The following GSAP variants were observed in gnomAD, a reference collection of about 807,000 sequenced individuals.
GSAP encodes gamma-secretase activating protein.
GSAP carries 118 observed loss-of-function variants against 131.7 expected under a neutral mutation model. The ratio of observed to expected loss-of-function variants is 0.90; its 90% confidence interval spans 0.77 to 1.04. The LOEUF (loss-of-function observed/expected upper bound fraction) is 1.04, where lower values mean the gene tolerates loss of function less well. Ranked by LOEUF, GSAP falls within the 50% of genes least tolerant of loss-of-function variation. The probability of loss-of-function intolerance (pLI) is 0.00; values close to 1 mark genes in which losing one functional copy is unlikely to be tolerated. For synonymous variants in GSAP, 381 were observed against 363.4 expected (o/e 1.05, Z -0.55); for missense variants, 1,019 against 1,013.2 (o/e 1.01, Z -0.08).
chr7:77,364,632 C>T (rs1362699224), intron 12 of GSAP, among the ~76,000 whole-genome samples: 1 of 151,960 alleles, frequency 6.6e-6, no homozygotes, highest in Non-Finnish European at 1.5e-5. Context: ...TGTAACTAAC[C>T]TGCACATTGT....
At chr7:77,411,742 T>C (rs1402608877) in intron 1 of GSAP, among the ~76,000 whole-genome samples, 1 of 152,178 alleles carries the variant, frequency 6.6e-6, no homozygotes, top group Non-Finnish European at 1.5e-5. Flanking sequence ...ATCAACTTTT[T>C]TTGTAAAATC....
At chr7:77,352,141 A>G (rs1792974924) in intron 18 of GSAP, among the ~76,000 whole-genome samples, 2 of 152,260 alleles carry the variant, frequency 1.3e-5, no homozygotes, top group African/African-American at 4.8e-5. Context: ...ATCTTTTTTA[A>G]GGACTATATT....
chr7:77,362,625 A>T lies in GSAP; in HGVS notation c.907T>A (p.Ser303Thr). 1 of 1,586,700 alleles carries T rather than the reference A, an allele frequency of 6.3e-7. No homozygotes were observed. Among genetic ancestry groups the T allele is most frequent in the Non-Finnish European group, 8.7e-7 (1 of 1,155,566 alleles). ...LCVCYSPKCA[S>T]WGQITYSVFY... ...ACTGAATATGTGATTTGTCCCCAAG[A>T]GGCACACTTCGGGCTGTAACATACA... The change falls in exon 13 of 31, where the codon TCT becomes ACT. Residue 303 changes from serine (S) to threonine (T), a missense_variant. By Grantham distance (58) the Ser-to-Thr change is moderately conservative. Coordinates refer to ENST00000257626, the MANE Select transcript of GSAP (RefSeq NM_017439.4).
At chr7:77,374,685 T>C (rs2150994249) in intron 11 of GSAP, among the ~76,000 whole-genome samples, 1 of 151,664 alleles carries the variant, frequency 6.6e-6, no homozygotes, top group Non-Finnish European at 1.5e-5. Flanking sequence ...GAGCTACAAG[T>C]GGATTGACCT....
intron 2 of GSAP, among the ~76,000 whole-genome samples, chr7:77,405,420 T>G (rs1802093234): frequency 6.6e-6 from 1 of 152,268 alleles, no homozygotes; most frequent in Non-Finnish European, 1.5e-5. Context: ...TTTAAACATT[T>G]TTACTTGGCA....
In GSAP at chr7:77,377,329, T is replaced by C; in HGVS notation, c.638A>G (p.Gln213Arg). Residue 213 changes from glutamine to arginine, a missense_variant, in exon 9 of 31, where the codon CAG becomes CGG. Coordinates refer to ENST00000257626, the MANE Select transcript of GSAP (RefSeq NM_017439.4). Reference sequence around the variant, plus strand: ...TAATCTCTGTTCTGACATATCCCACTGAGCCCAAACGAAATCCTCAGCTAT... The same window carrying C: ...TAATCTCTGTTCTGACATATCCCACCGAGCCCAAACGAAATCCTCAGCTAT... ...DRIAEDFVWA[Q>R]WDMSEQRLYY... 6.3e-7 allele frequency: 1 copy of C among 1,583,412 alleles called. No homozygotes were observed. The highest frequency in any genetic ancestry group is 8.6e-7 in the Non-Finnish European group (1 of 1,168,230).
Position 77,339,331 on chromosome 7 carries a change from G to A in GSAP, c.1546-8964C>T, listed in dbSNP as rs377024450. 1.8e-3 allele frequency among the ~76,000 whole-genome samples: 278 copies of A among 152,294 alleles called. 7 individuals carry two copies. In the South Asian group the frequency reaches 0.049, roughly 27 times the overall value. On this transcript the variant is annotated intron_variant, in intron 19 of 30. Coordinates refer to ENST00000257626, the MANE Select transcript of GSAP (RefSeq NM_017439.4). ...TAGCAGGATCAAGTGTCCTGGGAAT[G>A]AGAATCTCCTGATTAGAGTCTCCCA...
At position 77,397,385 on chromosome 7, in the gene GSAP, C is replaced by T; in HGVS notation, c.274G>A (p.Val92Ile). Residue 92 changes from valine to isoleucine, a missense_variant, in exon 4 of 31, where the codon GTT becomes ATT. Transcript: ENST00000257626. Reference sequence around the variant, plus strand: ...TCACTGTTGACAGAGCAACTGAAAACTTGCAAGTCTTTCTCAAAGGTATAT... The same window carrying T: ...TCACTGTTGACAGAGCAACTGAAAATTTGCAAGTCTTTCTCAAAGGTATAT... ...LLYTFEKDLQVFSCSVNSERT... is the reference protein window; with the variant it reads ...LLYTFEKDLQIFSCSVNSERT... 1.2e-6 allele frequency: 2 copies of T among 1,605,146 alleles called. No homozygotes were observed. The highest frequency in any genetic ancestry group is 1.7e-6 in the Non-Finnish European group (2 of 1,173,428).
chr7:77,396,355 A>G (rs1290412372), intron 5 of GSAP, among the ~76,000 whole-genome samples: 3 of 152,158 alleles, frequency 2.0e-5, no homozygotes, highest in African/African-American at 7.2e-5. Flanking sequence ...TGCATTTGCA[A>G]TTGAAACCCC....
At chr7:77,369,902 GTTT>G (rs143719510) in intron 12 of GSAP, among the ~76,000 whole-genome samples, 1 of 151,328 alleles carries the variant, frequency 6.6e-6, no homozygotes, top group Non-Finnish European at 1.5e-5. Context: ...TTTGAAACAC[GTTT>G]TTTTATTTTT....
chr7:77,383,343 C>CAG (rs368003249), intron 6 of GSAP, among the ~76,000 whole-genome samples: 1 of 145,522 alleles, frequency 6.9e-6, no homozygotes. Context: ...CACACACACA[C>CAG]AGAGGTCGAT....
intron 19 of GSAP, among the ~76,000 whole-genome samples, chr7:77,339,037 G>A (rs1338222965): frequency 1.3e-5 from 2 of 152,224 alleles, no homozygotes; most frequent in East Asian, 1.9e-4. Flanking sequence ...AAGAAAAAAT[G>A]TGGAAGCAAG....
intron 24 of GSAP, among the ~76,000 whole-genome samples, chr7:77,322,514 GAAGT>G (rs1428905360): frequency 6.6e-6 from 1 of 151,724 alleles, no homozygotes; most frequent in Non-Finnish European, 1.5e-5. Context: ...AGCACTTTGG[GAAGT>G]AAGATTTCGA....
chr7:77,323,453 A>G (rs1388274607), intron 24 of GSAP, among the ~76,000 whole-genome samples, 194 bp downstream of exon 24: 1 of 152,216 alleles, frequency 6.6e-6, no homozygotes, highest in Non-Finnish European at 1.5e-5. Flanking sequence ...ACCACTTTCC[A>G]AACCAAATGC....
intron 26 of GSAP, among the ~76,000 whole-genome samples, chr7:77,318,342 A>AC (rs147022295): frequency 0.091 from 13,865 of 152,264 alleles, 779 homozygotes; most frequent in Non-Finnish European, 0.11. Flanking sequence ...TCTACCAGTT[A>AC]AAATTTTATG....
chr7:77,400,079 T>C lies in GSAP; in HGVS notation c.244-2664A>G, dbSNP rs1429242284. Among the ~76,000 whole-genome samples, 3 of 151,940 alleles carry C rather than the reference T, an allele frequency of 2.0e-5. No homozygotes were observed. In the East Asian group the frequency reaches 5.8e-4, roughly 29 times the overall value. ...TCCAGCCAAACACCACAAAAGAAAA[T>C]GCAACCCCACTCCCATCTCTACCAG... On this transcript the variant is annotated intron_variant, in intron 3 of 30. Transcript: ENST00000257626.
At chr7:77,324,409 C>T (rs992658767) in intron 23 of GSAP, among the ~76,000 whole-genome samples, 7 of 152,318 alleles carry the variant, frequency 4.6e-5, no homozygotes, top group East Asian at 1.9e-4. Context: ...CCCTCCTCTC[C>T]CTTTTGCCCA....
chr7:77,365,463 G>A (rs1315396605), intron 12 of GSAP, among the ~76,000 whole-genome samples: 1 of 152,062 alleles, frequency 6.6e-6, no homozygotes, highest in Non-Finnish European at 1.5e-5. Context: ...GCTCCTACCT[G>A]TAAGTGAGAA....
chr7:77,413,221 A>T (rs1237327893), intron 1 of GSAP, among the ~76,000 whole-genome samples: 3 of 152,210 alleles, frequency 2.0e-5, no homozygotes, highest in Admixed American at 6.5e-5. Context: ...CAGGCCCAAT[A>T]TCCTCAGGTG....
Sources: gnomAD v4.1 joint callset for allele counts (sites outside exome capture counted in the v4.1 genomes callset) on GRCh38, gnomAD v4.1.1 for gene constraint, MANE v1.5 for transcripts, NCBI Gene and HGNC (gene_info 2026-07-23, HGNC 2026-07-21) for gene names.